SETD2: variants seen among roughly 807,000 people sequenced by gnomAD.
SETD2 encodes the protein histone-lysine N-methyltransferase SETD2.
A neutral mutation model predicts 242.1 loss-of-function variants in SETD2; 31 were observed. That is an observed-to-expected ratio of 0.13 (90% confidence interval 0.10 to 0.17). The LOEUF (loss-of-function observed/expected upper bound fraction) is 0.17, where lower values mean the gene tolerates loss of function less well. Ranked by LOEUF, SETD2 falls within the 10% of genes least tolerant of loss-of-function variation. SETD2 has a pLI of 1.00. For missense variants in SETD2, 2,481 were observed against 3,046.3 expected (o/e 0.81, Z 4.37); for synonymous variants, 1,006 against 1,066.5 (o/e 0.94, Z 1.11).
intron 13 of SETD2, among the ~76,000 whole-genome samples, 183 bp from the exon 14 acceptor site, chr3:47,062,529 C>A (rs1397312144): frequency 6.6e-6 from 1 of 152,084 alleles, no homozygotes; most frequent in East Asian, 1.9e-4. Flanking sequence ...TGTCTGTGTT[C>A]ACTCTACTCA....
At chr3:47,151,417 A>T (rs2043980137) in intron 1 of SETD2, among the ~76,000 whole-genome samples, 1 of 152,234 alleles carries the variant, frequency 6.6e-6, no homozygotes, top group South Asian at 2.1e-4. Context: ...TACATTTCAA[A>T]AAAGCACACA....
rs1240029783 is a variant in SETD2, at chr3:47,124,081, T to C, written c.555A>G (p.Ser185=). ...AVIAESTTVD[S]PPSSPPPPPP... ...GCGGTGGAGGCGGAGATGAGGGCGG[T>C]GAGTCTACAGTTGTTGATTCTGCTA... The change falls in exon 3 of 21, where the codon TCA becomes TCG. Residue 185 remains serine (S), a synonymous_variant. Transcript: ENST00000409792. 6.4e-7 allele frequency: 1 copy of C among 1,551,638 alleles called. No individual in the cohort carries two copies. The highest frequency in any genetic ancestry group is 1.4e-5 in the African/African-American group (1 of 72,988).
intron 12 of SETD2, among the ~76,000 whole-genome samples, chr3:47,077,562 T>A (rs1043931746): frequency 1.3e-5 from 2 of 151,648 alleles, no homozygotes; most frequent in African/African-American, 2.4e-5. Context: ...GATAATAGAG[T>A]GGTGAAGTAC....
Position 47,131,064 on chromosome 3 carries a change from T to C in SETD2, c.72-4401A>G, listed in dbSNP as rs78801051. 7.1e-3 allele frequency among the ~76,000 whole-genome samples: 1,074 copies of C among 152,250 alleles called. 13 individuals carry two copies. Among genetic ancestry groups the C allele is most frequent in the African/African-American group, 0.025 (1,044 of 41,542 alleles). ...AGGGAAGCCCTATAAATGAGAGCAA[T>C]TTGGCCCTATCAAGCGCATTAATAA... On this transcript the variant is annotated intron_variant, in intron 1 of 20. Transcript: ENST00000409792.
intron 15 of SETD2, among the ~76,000 whole-genome samples, chr3:47,048,447 C>G (rs1282307212): frequency 2.0e-5 from 3 of 152,144 alleles, no homozygotes; most frequent in African/African-American, 7.2e-5. Context: ...ACAAAGCTTG[C>G]AGGACTGGAA....
intron 1 of SETD2, among the ~76,000 whole-genome samples, chr3:47,141,381 T>C (rs1357603126): frequency 6.6e-6 from 1 of 152,148 alleles, no homozygotes; most frequent in Non-Finnish European, 1.5e-5. Context: ...TGTCCTACTC[T>C]TGCTTAACCA....
chr3:47,121,852 T>C lies in SETD2; in HGVS notation c.2784A>G (p.Thr928=). Residue 928 remains threonine, a synonymous_variant, in exon 3 of 21, where the codon ACA becomes ACG. Transcript: ENST00000409792. ...SEFLKHAGKE[T]IVEVGSDLPD... The stretch of plus-strand genomic sequence containing the variant: ...GAAGGTCACTACCTACTTCTACTAT[T>C]GTTTCTTTCCCTGCATGCTTTAAAA... The C allele has an allele frequency of 2.5e-6, 4 of 1,614,086 alleles. No homozygotes were observed. Among genetic ancestry groups the C allele is most frequent in the Non-Finnish European group, 3.4e-6 (4 of 1,179,994 alleles).
intron 7 of SETD2, among the ~76,000 whole-genome samples, chr3:47,102,021 A>G (rs1302162491): frequency 1.3e-5 from 2 of 152,222 alleles, no homozygotes; most frequent in African/African-American, 2.4e-5. Context: ...ACTGATCCCA[A>G]AAGTTTAATT....
chr3:47,038,621 A>G (rs1328717661), intron 17 of SETD2, among the ~76,000 whole-genome samples: 1 of 152,064 alleles, frequency 6.6e-6, no homozygotes, highest in Non-Finnish European at 1.5e-5. Flanking sequence ...GTCTTAAAAA[A>G]CAAACAAAAA....
intron 18 of SETD2, among the ~76,000 whole-genome samples, chr3:47,024,028 A>C (rs1157234859): frequency 6.6e-6 from 1 of 152,214 alleles, no homozygotes; most frequent in East Asian, 1.9e-4. Flanking sequence ...AATTTTCAAC[A>C]TTATTTATTT....
chr3:47,052,199 C>T (rs1031797700), intron 15 of SETD2, among the ~76,000 whole-genome samples: 3 of 152,146 alleles, frequency 2.0e-5, no homozygotes, highest in Middle Eastern at 6.8e-3. Context: ...CATGAATGTT[C>T]GTTTTTTTGT....
At chr3:47,096,962 A>T (rs930265373) in intron 9 of SETD2, among the ~76,000 whole-genome samples, 1 of 152,050 alleles carries the variant, frequency 6.6e-6, no homozygotes, top group African/African-American at 2.4e-5. Flanking sequence ...CTTCTTACAG[A>T]ATTCAGATTC....
chr3:47,027,167 C>T (rs2038519737), intron 18 of SETD2, among the ~76,000 whole-genome samples: 1 of 151,734 alleles, frequency 6.6e-6, no homozygotes. Flanking sequence ...AACCCCATCT[C>T]TACTAAAAAA....
intron 18 of SETD2, among the ~76,000 whole-genome samples, chr3:47,030,325 C>T (rs1030822238): frequency 1.3e-5 from 2 of 151,978 alleles, no homozygotes; most frequent in South Asian, 2.1e-4. Context: ...TTAGCTAATT[C>T]AATACAGCAG....
intron 12 of SETD2, among the ~76,000 whole-genome samples, chr3:47,072,798 T>A (rs1031352428): frequency 1.3e-5 from 2 of 151,362 alleles, no homozygotes; most frequent in African/African-American, 4.9e-5. Context: ...ATACAAGAAA[T>A]TAGCTGTGCG....
intron 9 of SETD2, among the ~76,000 whole-genome samples, chr3:47,089,323 T>C (rs772370804): frequency 2.6e-5 from 4 of 152,100 alleles, no homozygotes; most frequent in Non-Finnish European, 5.9e-5. Context: ...AGCATGTGTC[T>C]ATAGTCTCAG....
chr3:47,078,397 A>G (rs2041183183), intron 12 of SETD2, among the ~76,000 whole-genome samples: 1 of 152,214 alleles, frequency 6.6e-6, no homozygotes, highest in African/African-American at 2.4e-5. Context: ...CAAAAATTCA[A>G]AAATACTTTA....
At chr3:47,141,499 G>A (rs1364107528) in intron 1 of SETD2, among the ~76,000 whole-genome samples, 1 of 152,134 alleles carries the variant, frequency 6.6e-6, no homozygotes, top group Non-Finnish European at 1.5e-5. Flanking sequence ...AACCTGTGAT[G>A]TGATTAAATG....
Position 47,123,574 on chromosome 3 carries a change from G to A in SETD2, c.1062C>T (p.Ser354=), listed in dbSNP as rs1225099104. 4.5e-6 allele frequency: 7 copies of A among 1,550,314 alleles called. No homozygotes were observed. The Admixed American group carries it at 9.8e-5, about 22-fold the overall frequency. ...SIEKERDFKK[S]SAPLKSEDLG... ...GATCCTCACTTTTTAAAGGTGCTGA[G>A]CTCTTTTTAAAATCTCTTTCCTTTT... The change falls in exon 3 of 21, where the codon AGC becomes AGT. Residue 354 remains serine (S), a synonymous_variant. Coordinates refer to ENST00000409792, the MANE Select transcript of SETD2 (RefSeq NM_014159.7).
Sources: gnomAD v4.1 joint callset for allele counts (sites outside exome capture counted in the v4.1 genomes callset) on GRCh38, gnomAD v4.1.1 for gene constraint, MANE v1.5 for transcripts, NCBI Gene and HGNC (gene_info 2026-07-23, HGNC 2026-07-21) for gene names.